SLC31A1: variants seen among roughly 807,000 people sequenced by gnomAD.
SLC31A1 encodes the protein solute carrier family 31 member 1.
Under a neutral mutation model 17.2 loss-of-function variants are expected in SLC31A1, and 5 were observed. The ratio of observed to expected loss-of-function variants is 0.29; its 90% CI spans 0.15 to 0.61. SLC31A1 has a LOEUF of 0.61. SLC31A1 is among the 20% of genes least tolerant of loss of function. SLC31A1 has a pLI of 0.86. For missense variants in SLC31A1, 161 were observed against 241.4 expected, an observed-to-expected ratio of 0.67 and a Z score of 2.21; for synonymous variants, 76 against 78.8, an observed-to-expected ratio of 0.96 and a Z score of 0.19.
chr9:113,244,517 A>G (rs752542855), intron 1 of SLC31A1, among the ~76,000 whole-genome samples: 30 of 152,230 alleles, frequency 2.0e-4, no homozygotes, highest in Non-Finnish European at 4.4e-5. Flanking sequence ...GAAAAAAACA[A>G]GAGTGAGAGA....
chr9:113,226,437 C>T (rs1246011871), intron 1 of SLC31A1, among the ~76,000 whole-genome samples: 1 of 152,072 alleles, frequency 6.6e-6, no homozygotes, highest in Non-Finnish European at 1.5e-5. Context: ...CAGTTTATGC[C>T]AAAAGAAATC....
Position 113,256,126 on chromosome 9 carries a change from A to T in SLC31A1, c.-23A>T, listed in dbSNP as rs767329948. The T allele has an allele frequency of 1.9e-6, 3 of 1,610,666 alleles. No individual in the cohort carries two copies. The highest frequency in any genetic ancestry group is 8.5e-7 in the Non-Finnish European group (1 of 1,178,802). On this transcript the variant is annotated 5_prime_UTR_variant, in exon 2 of 5. Coordinates refer to ENST00000374212, the MANE Select transcript of SLC31A1 (RefSeq NM_001859.4). ...TTTCTCTTAAAAGAATCTTCTGCTG[A>T]CTCTCAACTTTTCCTGGAAAAAATG...
intron 3 of SLC31A1, among the ~76,000 whole-genome samples, chr9:113,257,976 G>C (rs761917128): frequency 2.0e-5 from 3 of 152,206 alleles, no homozygotes; most frequent in Non-Finnish European, 4.4e-5. Context: ...CAAGGACCCA[G>C]ACCTTCTAGA....
chr9:113,233,236 TAC>T (rs1171103496), intron 1 of SLC31A1, among the ~76,000 whole-genome samples: 1 of 152,242 alleles, frequency 6.6e-6, no homozygotes. Flanking sequence ...AACCAGTAGG[TAC>T]AGTTTTACCG....
intron 1 of SLC31A1, among the ~76,000 whole-genome samples, chr9:113,222,409 C>T (rs1831290716): frequency 6.6e-6 from 1 of 152,060 alleles, no homozygotes. Context: ...CCAGTTTCCA[C>T]CCTATCTGTA....
intron 2 of SLC31A1, 121 bp from the exon 3 acceptor site, chr9:113,256,992 T>G: frequency 1.2e-6 from 1 of 812,052 alleles, no homozygotes; most frequent in Non-Finnish European, 2.1e-6. Context: ...AGCCTCCCAC[T>G]CACGTGAATG....
chr9:113,260,611 A>C lies in SLC31A1; in HGVS notation c.*138A>C, dbSNP rs1053941528. The stretch of plus-strand genomic sequence containing the variant: ...CACACACACACACACACACACACAC[A>C]CCCCTGCTCAACAGAGGTTTAGTTT... On this transcript the variant is annotated 3_prime_UTR_variant, in exon 5 of 5. Transcript: ENST00000374212. The C allele has an allele frequency of 4.0e-5, 28 of 700,838 alleles. No homozygotes were observed. The highest frequency in any genetic ancestry group is 1.4e-4 in the South Asian group (9 of 64,178). The allele number at this position is 700,838 out of a possible 1,614,324, so 43.4% of individuals were successfully genotyped here.
At chr9:113,222,404 T>C (rs1831290599) in intron 1 of SLC31A1, among the ~76,000 whole-genome samples, 2 of 152,132 alleles carry the variant, frequency 1.3e-5, no homozygotes, top group Non-Finnish European at 1.5e-5. Flanking sequence ...TGCCTCCAGT[T>C]TCCACCCTAT....
rs1268592555 is a variant in SLC31A1 at position 113,258,964 on chromosome 9, G to A, written c.371+102G>A. 4.9e-6 allele frequency: 6 copies of A among 1,224,278 alleles called. No homozygotes were observed. The highest frequency in any genetic ancestry group is 7.2e-6 in the Non-Finnish European group (6 of 832,344). The allele number at this position is 1,224,278 out of a possible 1,614,324, so 75.8% of individuals were successfully genotyped here. The stretch of plus-strand genomic sequence containing the variant: ...CAGCAGCCCTCTTCTTGAGTTAGGA[G>A]TTCTGTATGACCTTGATCAAAACTG... On this transcript the variant is annotated intron_variant, in intron 4 of 4. Transcript: ENST00000374212. The surrounding 1 kb of genome is among the most constrained non-coding windows in gnomAD (Gnocchi z 4.8).
chr9:113,232,299 T>C (rs1831409772), intron 1 of SLC31A1, among the ~76,000 whole-genome samples: 1 of 152,168 alleles, frequency 6.6e-6, no homozygotes, highest in Non-Finnish European at 1.5e-5. Flanking sequence ...TCATCTCTTT[T>C]CCTTCCCAAA....
intron 1 of SLC31A1, among the ~76,000 whole-genome samples, chr9:113,224,220 A>G (rs1184023417): frequency 2.0e-5 from 3 of 152,196 alleles, no homozygotes; most frequent in South Asian, 2.1e-4. Context: ...TGCAACATCT[A>G]AAATGTTTAC....
At chr9:113,233,189 G>T (rs1831419150) in intron 1 of SLC31A1, among the ~76,000 whole-genome samples, 1 of 152,190 alleles carries the variant, frequency 6.6e-6, no homozygotes, top group Admixed American at 6.5e-5. Context: ...TTAGAGCTGA[G>T]GCAAGAAGAT....
rs756629376 is a variant in SLC31A1, at chr9:113,223,298, A to G, written c.-36+1620A>G. The G allele has an allele frequency of 2.9e-4, 129 of 444,676 alleles. 4 individuals are homozygous for G. The Middle Eastern group carries it at 0.019, about 64-fold the overall frequency. 27.5% of individuals were successfully genotyped at this position (444,676 alleles called of 1,614,324 possible). On this transcript the variant is annotated intron_variant, in intron 1 of 4. Transcript: ENST00000374212. The stretch of plus-strand genomic sequence containing the variant: ...GAGGAAGATGATGGTGAGTCTTGCC[A>G]GGCTTTGAACTGCAGGACTGGGTGC...
chr9:113,257,069 A>G (rs926336424), intron 2 of SLC31A1, 44 bp from the exon 3 acceptor site: 1 of 1,497,124 alleles, frequency 6.7e-7, no homozygotes, highest in Non-Finnish European at 9.3e-7. Context: ...TCTCATTTAG[A>G]ATTTTCATTC....
intron 1 of SLC31A1, among the ~76,000 whole-genome samples, chr9:113,255,585 G>A (rs968083239): frequency 6.6e-6 from 1 of 152,064 alleles, no homozygotes; most frequent in African/African-American, 2.4e-5. Flanking sequence ...TGGTAGTGGT[G>A]CAGGCCTGTG....
chr9:113,222,757 C>T (rs77361187), intron 1 of SLC31A1, among the ~76,000 whole-genome samples: 3,960 of 152,286 alleles, frequency 0.026, 81 homozygotes, highest in Non-Finnish European at 0.039. Context: ...GAACTAGAAT[C>T]TAAGGACTAG....
intron 1 of SLC31A1, among the ~76,000 whole-genome samples, chr9:113,237,961 C>T (rs7042319): frequency 0.06 from 9,075 of 152,246 alleles, 315 homozygotes; most frequent in African/African-American, 0.081. Context: ...ATGCATTAAC[C>T]TCATTGCTGA....
At chr9:113,240,591 T>G (rs1564209782) in intron 1 of SLC31A1, among the ~76,000 whole-genome samples, 1 of 152,140 alleles carries the variant, frequency 6.6e-6, no homozygotes, top group Non-Finnish European at 1.5e-5. Flanking sequence ...AAGATCAAGG[T>G]CCATGTTTTA....
chr9:113,243,199 T>C (rs1039516429), intron 1 of SLC31A1, among the ~76,000 whole-genome samples: 2 of 152,192 alleles, frequency 1.3e-5, no homozygotes, highest in Non-Finnish European at 2.9e-5. Context: ...GTAGTATATG[T>C]CACCTGTGTC....
Sources: allele counts gnomAD v4.1 joint callset (sites outside exome capture counted in the v4.1 genomes callset), GRCh38; gene constraint gnomAD v4.1.1; non-coding constraint Gnocchi (gnomAD v3.1); transcripts MANE v1.5; gene names NCBI Gene and HGNC (gene_info 2026-07-23, HGNC 2026-07-21).